Variants in TCF25 observed in about 807,000 individuals in gnomAD.
TCF25 encodes the protein TCF25 ribosome quality control complex subunit, also known as ribosome quality control complex subunit TCF25.
TCF25 carries 41 observed loss-of-function variants against 83.1 expected under a neutral mutation model. The ratio of observed to expected loss-of-function variants is 0.49; its 90% CI spans 0.38 to 0.64. The LOEUF (loss-of-function observed/expected upper bound fraction) is 0.64, where lower values mean the gene tolerates loss of function less well. Among genes scored for constraint, TCF25 ranks in the 30% least tolerant of loss-of-function variants. The pLI, the probability that TCF25 is intolerant of heterozygous loss-of-function variation, is 0.00. For synonymous variants in TCF25, 458 were observed against 365.0 expected, an observed-to-expected ratio of 1.25 and a Z score of -2.90; for missense variants, 979 against 914.5, an observed-to-expected ratio of 1.07 and a Z score of -0.91.
At chr16:89,903,999 C>A in intron 12 of TCF25, 119 bp from the exon 13 acceptor site, 1 of 1,013,680 alleles carries the variant, frequency 9.9e-7, no homozygotes, top group South Asian at 1.5e-5. Flanking sequence ...TGCAGACTCT[C>A]CACCTTAGAA....
chr16:89,888,701 G>C (rs2043196699), intron 5 of TCF25, among the ~76,000 whole-genome samples: 1 of 145,400 alleles, frequency 6.9e-6, no homozygotes, highest in African/African-American at 2.6e-5. Flanking sequence ...TTTTGAGGCA[G>C]ATTCTTGCTC....
At chr16:89,884,228 C>G (rs2042815503) in intron 2 of TCF25, among the ~76,000 whole-genome samples, 1 of 152,158 alleles carries the variant, frequency 6.6e-6, no homozygotes, top group Admixed American at 6.5e-5. Flanking sequence ...ACCACACATA[C>G]AGGTGCGGTG....
chr16:89,883,505 C>T lies in TCF25; in HGVS notation c.347C>T (p.Ser116Leu), dbSNP rs780020725. The T allele has an allele frequency of 6.2e-7, 1 of 1,603,520 alleles. No homozygotes were observed. Among genetic ancestry groups the T allele is most frequent in the South Asian group, 1.1e-5 (1 of 89,450 alleles). ...TDGDDTETVP[S>L]EQSHASGKLR... ...GGAGATGACACCGAGACAGTGCCCT[C>T]AGAGCAGGTGGGGGGCTGAGTGGTG... The change falls in exon 2 of 18, where the codon TCA becomes TTA. Residue 116 changes from serine to leucine, a missense_variant. Ser to Leu is a moderately radical substitution (Grantham distance 145, BLOSUM62 -2). Coordinates refer to ENST00000263346, the MANE Select transcript of TCF25 (RefSeq NM_014972.3).
chr16:89,902,888 G>C (rs1284815201), intron 12 of TCF25, among the ~76,000 whole-genome samples: 3 of 152,204 alleles, frequency 2.0e-5, no homozygotes, highest in Admixed American at 6.5e-5. Context: ...TCTCGGTTCT[G>C]TGGGTTTCCA....
chr16:89,893,075 A>T (rs2043552983), intron 6 of TCF25, among the ~76,000 whole-genome samples: 1 of 152,138 alleles, frequency 6.6e-6, no homozygotes, highest in African/African-American at 2.4e-5. Context: ...ACCCCTGCTC[A>T]CTGCAGACAG....
At chr16:89,889,160 C>T (rs1265457108) in intron 5 of TCF25, 2 of 371,586 alleles carry the variant, frequency 5.4e-6, no homozygotes, top group Non-Finnish European at 1.0e-5. Flanking sequence ...CCTCTGGACT[C>T]TCCATCGAAG....
intron 16 of TCF25, chr16:89,910,172 C>T (rs1597401907): frequency 5.3e-6 from 1 of 189,626 alleles, no homozygotes; most frequent in East Asian, 1.5e-4. Context: ...AGAGCCGGGC[C>T]GGTAGCCCTT....
intron 1 of TCF25, among the ~76,000 whole-genome samples, chr16:89,880,930 A>T (rs1269428367): frequency 6.6e-6 from 1 of 152,250 alleles, no homozygotes; most frequent in African/African-American, 2.4e-5. Flanking sequence ...AGCAAAGGCC[A>T]GGCAGAAGGA....
At chr16:89,875,810 C>G (rs2042144473) in intron 1 of TCF25, among the ~76,000 whole-genome samples, 1 of 139,862 alleles carries the variant, frequency 7.1e-6, no homozygotes, top group Admixed American at 7.3e-5. Context: ...GCGTGAGCCA[C>G]TGCGCCTGGC....
At chr16:89,896,979 ATGGTACCAG>A (rs1282966034) in intron 9 of TCF25, among the ~76,000 whole-genome samples, 1 of 151,684 alleles carries the variant, frequency 6.6e-6, no homozygotes, top group African/African-American at 2.4e-5. Context: ...GTGAGCTGAG[ATGGTACCAG>A]TGCACTCCAG....
intron 15 of TCF25, 37 bp downstream of exon 15, chr16:89,906,321 G>A: frequency 6.2e-7 from 1 of 1,600,944 alleles, no homozygotes; most frequent in South Asian, 1.1e-5. Context: ...CTCTGTGTAA[G>A]CCGGTCACAT....
intron 16 of TCF25, chr16:89,909,254 G>T: frequency 1.1e-6 from 1 of 877,946 alleles, no homozygotes. Context: ...ACTCACGCCT[G>T]TAATTCCAGC....
chr16:89,907,364 CCCTCCTCCCAGTTCCCAG>C, intron 16 of TCF25, 42 bp downstream of exon 16: 1 of 1,371,766 alleles, frequency 7.3e-7, no homozygotes, highest in Non-Finnish European at 1.0e-6. Context: ...GCTCCCACCT[CCCTCCTCCCAGTTCCCAG>C]CTCCCAGCTC....
rs527433531 is a variant in TCF25, at chr16:89,876,186, C to T, written c.192+2327C>T. On this transcript the variant is annotated intron_variant, in intron 1 of 17. Transcript: ENST00000263346. Reference sequence around the variant, plus strand: ...CCTCCATGGATGAATGACTGCTTATCGTGCTGTGTTCTTAGGAATTTCAGA... The same window carrying T: ...CCTCCATGGATGAATGACTGCTTATTGTGCTGTGTTCTTAGGAATTTCAGA... 1.4e-3 allele frequency among the ~76,000 whole-genome samples: 206 copies of T among 152,154 alleles called. 2 individuals carry two copies. The highest frequency in any genetic ancestry group is 4.6e-3 in the African/African-American group (191 of 41,510).
chr16:89,900,856 C>T (rs1293614657), intron 12 of TCF25, 62 bp downstream of exon 12: 6 of 1,445,664 alleles, frequency 4.2e-6, no homozygotes, highest in Non-Finnish European at 5.6e-6. Flanking sequence ...GGGGGCTGCT[C>T]TTCCTGGTGG....
chr16:89,900,803 G>A lies in TCF25; in HGVS notation c.1381+9G>A. 1 of 1,564,528 alleles carries A rather than the reference G, an allele frequency of 6.4e-7. No individual in the cohort carries two copies. Among genetic ancestry groups the A allele is most frequent in the Non-Finnish European group, 8.8e-7 (1 of 1,140,880 alleles). ...CACCATGTTCCCTGGAGGTGAGTGA[G>A]CGCTGTGTCTCGCCTGGGGTAGGGG... On this transcript the variant is annotated intron_variant, in intron 12 of 17. Coordinates refer to ENST00000263346, the MANE Select transcript of TCF25 (RefSeq NM_014972.3).
At chr16:89,900,610 C>T (rs368324966) in intron 11 of TCF25, 25 bp from the exon 12 acceptor site, 68 of 1,559,650 alleles carry the variant, frequency 4.4e-5, no homozygotes, top group Middle Eastern at 1.7e-4. Flanking sequence ...TAAGGCTCCA[C>T]GCTCTGTTTC....
intron 1 of TCF25, among the ~76,000 whole-genome samples, chr16:89,875,289 C>G (rs1177546990): frequency 1.3e-5 from 2 of 152,148 alleles, no homozygotes; most frequent in South Asian, 4.1e-4. Context: ...ATTTATATTT[C>G]TCTTTGTGAC....
At chr16:89,877,163 C>A (rs1233739537) in intron 1 of TCF25, among the ~76,000 whole-genome samples, 1 of 151,964 alleles carries the variant, frequency 6.6e-6, no homozygotes, top group Non-Finnish European at 1.5e-5. Context: ...TTGTCTATTT[C>A]TACTTTCAAC....
Sources: allele counts gnomAD v4.1 joint callset (sites outside exome capture counted in the v4.1 genomes callset), GRCh38; gene constraint gnomAD v4.1.1; transcripts MANE v1.5; gene names NCBI Gene and HGNC (gene_info 2026-07-23, HGNC 2026-07-21).